The following ADCY8 variants were observed in gnomAD, a reference collection of about 807,000 sequenced individuals.
The protein encoded by ADCY8 is adenylate cyclase type 8.
ADCY8 carries 51 observed loss-of-function variants against 119.7 expected under a neutral mutation model. The observed-to-expected ratio is 0.43, with a 90% CI of 0.34 to 0.54. ADCY8 has a LOEUF of 0.54. ADCY8 is among the 20% of genes least tolerant of loss of function. ADCY8 has a pLI of 0.03. For synonymous variants in ADCY8, 665 were observed against 651.0 expected (o/e 1.02, Z -0.33); for missense variants, 1,383 against 1,598.8 (o/e 0.87, Z 2.30).
intron 1 of ADCY8, among the ~76,000 whole-genome samples, chr8:131,008,027 A>G (rs923931400): frequency 3.3e-5 from 5 of 152,078 alleles, no homozygotes; most frequent in Non-Finnish European, 7.4e-5. Context: ...TAGGGTGACC[A>G]TATAATTTAT....
intron 1 of ADCY8, among the ~76,000 whole-genome samples, chr8:131,000,659 T>C (rs1245951782): frequency 2.0e-5 from 3 of 152,106 alleles, no homozygotes; most frequent in Non-Finnish European, 4.4e-5. Flanking sequence ...TCCCTGGTAA[T>C]GGGAGCCAGA....
intron 11 of ADCY8, among the ~76,000 whole-genome samples, chr8:130,837,329 C>A (rs975056978): frequency 1.3e-5 from 2 of 152,172 alleles, no homozygotes; most frequent in Admixed American, 6.5e-5. Context: ...ATTCTCTAAA[C>A]CCTTCTCCCA....
intron 5 of ADCY8, among the ~76,000 whole-genome samples, chr8:130,934,982 T>C (rs1193580285): frequency 6.6e-6 from 1 of 152,230 alleles, no homozygotes; most frequent in Non-Finnish European, 1.5e-5. Context: ...ATAAGGCCTC[T>C]GAAATTGTTA....
chr8:130,986,975 ATTTC>A (rs1227450415), intron 2 of ADCY8, among the ~76,000 whole-genome samples: 1 of 152,098 alleles, frequency 6.6e-6, no homozygotes, highest in Non-Finnish European at 1.5e-5. Flanking sequence ...ATCTTTGCTA[ATTTC>A]TTTCTTCCCT....
At position 130,836,435 on chromosome 8, in the gene ADCY8, C is replaced by A. The variant is rs755447347; in HGVS notation, c.2517G>T (p.Thr839=). Residue 839 remains threonine (T), a synonymous_variant, in exon 12 of 18, where the codon ACG becomes ACT. Coordinates refer to ENST00000286355, the MANE Select transcript of ADCY8 (RefSeq NM_001115.3). ...CACAGGTCACCATGGCCAACACCCC[C>A]GTGAAGACAAAGTACTGGAAACAGA... ...ICSYPEYFVF[T]GVLAMVTCAV... The A allele has an allele frequency of 6.2e-7, 1 of 1,613,416 alleles. No individual in the cohort carries two copies. The highest frequency in any genetic ancestry group is 8.5e-7 in the Non-Finnish European group (1 of 1,179,680).
At chr8:130,961,772 C>A (rs2130684554) in intron 2 of ADCY8, among the ~76,000 whole-genome samples, 1 of 152,236 alleles carries the variant, frequency 6.6e-6, no homozygotes, top group East Asian at 1.9e-4. Flanking sequence ...GTAAATATTT[C>A]TCGAGCAAAC....
At chr8:131,011,185 AAAG>A (rs1430832732) in intron 1 of ADCY8, among the ~76,000 whole-genome samples, 1 of 136,424 alleles carries the variant, frequency 7.3e-6, no homozygotes, top group Non-Finnish European at 1.6e-5. Context: ...AAAAAAAAAA[AAAG>A]AATTAATGAC....
chr8:130,992,662 G>T (rs1057337156), intron 1 of ADCY8, among the ~76,000 whole-genome samples: 2 of 151,654 alleles, frequency 1.3e-5, no homozygotes, highest in African/African-American at 4.9e-5. Flanking sequence ...TGATCTGCCT[G>T]CCTGGGCCTC....
chr8:131,010,224 C>T (rs1457660290), intron 1 of ADCY8, among the ~76,000 whole-genome samples: 4 of 152,120 alleles, frequency 2.6e-5, no homozygotes, highest in South Asian at 2.1e-4. Context: ...CTTGAACATT[C>T]GAGCTAGAGA....
At chr8:130,912,390 A>G (rs561526599) in intron 5 of ADCY8, among the ~76,000 whole-genome samples, 74 of 152,308 alleles carry the variant, frequency 4.9e-4, no homozygotes, top group Admixed American at 7.2e-4. Flanking sequence ...ATTAATGTTC[A>G]TATATATCCA....
chr8:130,861,373 C>T (rs184901294), intron 9 of ADCY8, among the ~76,000 whole-genome samples: 2 of 152,242 alleles, frequency 1.3e-5, no homozygotes, highest in Non-Finnish European at 1.5e-5. Context: ...TGATTTATTT[C>T]ATCAGTGTTT....
intron 12 of ADCY8, among the ~76,000 whole-genome samples, chr8:130,830,301 T>G (rs1300248734): frequency 2.6e-5 from 4 of 152,166 alleles, no homozygotes; most frequent in African/African-American, 4.8e-5. Flanking sequence ...GTCAGCCACG[T>G]GTACAGTAAG....
chr8:130,934,242 A>G (rs574768318), intron 5 of ADCY8, among the ~76,000 whole-genome samples: 22 of 152,248 alleles, frequency 1.4e-4, no homozygotes, highest in Non-Finnish European at 1.0e-4. Context: ...TTTATAAAGA[A>G]AAAAGGTTTA....
chr8:130,836,576 A>C, intron 11 of ADCY8, 127 bp from the exon 12 acceptor site: 1 of 913,434 alleles, frequency 1.1e-6, no homozygotes, highest in Non-Finnish European at 1.6e-6. Context: ...AGGCCTCCTG[A>C]AATTCAACAG....
At chr8:130,946,576 C>A (rs1184930530) in intron 3 of ADCY8, among the ~76,000 whole-genome samples, 1 of 152,130 alleles carries the variant, frequency 6.6e-6, no homozygotes, top group African/African-American at 2.4e-5. Context: ...CCTGTTGGTG[C>A]CCCTCTCTGT....
chr8:130,906,288 C>G (rs1819782780), intron 6 of ADCY8, among the ~76,000 whole-genome samples: 1 of 152,196 alleles, frequency 6.6e-6, no homozygotes, highest in Non-Finnish European at 1.5e-5. Context: ...AGACTGGAAG[C>G]TTACCTTTTC....
chr8:130,964,934 G>A (rs1168896826), intron 2 of ADCY8, among the ~76,000 whole-genome samples: 1 of 152,132 alleles, frequency 6.6e-6, no homozygotes, highest in Non-Finnish European at 1.5e-5. Context: ...GTGATGCTGA[G>A]CATTTTTTCA....
intron 5 of ADCY8, among the ~76,000 whole-genome samples, chr8:130,926,567 T>G (rs1229551752): frequency 6.6e-6 from 1 of 152,222 alleles, no homozygotes; most frequent in Non-Finnish European, 1.5e-5. Flanking sequence ...ACACATGTAT[T>G]ACCTCACAGT....
intron 8 of ADCY8, among the ~76,000 whole-genome samples, chr8:130,876,208 A>T (rs928864831): frequency 8.6e-5 from 13 of 151,840 alleles, no homozygotes; most frequent in Admixed American, 1.3e-4. Flanking sequence ...GTGCCACCAC[A>T]CCTGGCTAAT....
Sources: gnomAD v4.1 joint callset for allele counts (sites outside exome capture counted in the v4.1 genomes callset) on GRCh38, gnomAD v4.1.1 for gene constraint, MANE v1.5 for transcripts, NCBI Gene and HGNC (gene_info 2026-07-23, HGNC 2026-07-21) for gene names.